ITPA: variants seen among roughly 807,000 people sequenced by gnomAD.
ITPA encodes inosine triphosphatase.
ITPA carries 29 observed loss-of-function variants against 29.6 expected under a neutral mutation model. That is an observed-to-expected ratio of 0.98 (90% CI 0.73 to 1.34). The LOEUF (loss-of-function observed/expected upper bound fraction) is 1.34, where lower values mean the gene tolerates loss of function less well. Among genes scored for constraint, ITPA ranks in the 40% most tolerant of loss-of-function variants. The pLI is 0.00. For missense variants in ITPA, 241 were observed against 251.5 expected, an observed-to-expected ratio of 0.96 and a Z score of 0.28; for synonymous variants, 103 against 99.3, an observed-to-expected ratio of 1.04 and a Z score of -0.22.
At chr20:3,206,370 A>G (rs1307375998), upstream of ITPA, among the ~76,000 whole-genome samples, 1 of 138,030 alleles carries the variant, frequency 7.2e-6, no homozygotes, top group Non-Finnish European at 1.5e-5. Context: ...CCTGGGCAAC[A>G]GAGTGAGACT....
intron 6 of ITPA, among the ~76,000 whole-genome samples, chr20:3,220,063 CA>C (rs1222627216): frequency 1.8e-5 from 1 of 56,984 alleles, no homozygotes; most frequent in African/African-American, 7.7e-5. Flanking sequence ...AAAAAAAAAA[CA>C]AACCTTAATT....
At position 3,222,036 on chromosome 20, in the gene ITPA, G is replaced by A. The variant is rs1600536592; in HGVS notation, c.488+119G>A. 14 of 961,828 alleles carry A rather than the reference G, an allele frequency of 1.5e-5. No individual in the cohort carries two copies. In the East Asian group the frequency reaches 3.6e-4, roughly 25 times the overall value. 59.6% of individuals were successfully genotyped at this position (961,828 alleles called of 1,614,324 possible). A position where few individuals can be genotyped will look rare whatever the true frequency, so the allele number is the denominator to read the frequency against. On this transcript the variant is annotated intron_variant, in intron 7 of 7. Transcript: ENST00000380113. ...TATGGGCAGGGGAGGCTCCCAGGGT[G>A]CTGTTCCAGCCACAGGCAGCTCTGC...
At chr20:3,207,675 CAA>C (rs924920418), upstream of ITPA, among the ~76,000 whole-genome samples, 3 of 134,034 alleles carry the variant, frequency 2.2e-5, no homozygotes, top group African/African-American at 7.5e-5. Flanking sequence ...GCCTGGGCGA[CAA>C]GAGCAAGACT....
At chr20:3,218,112 G>A (rs1003775117) in intron 5 of ITPA, among the ~76,000 whole-genome samples, 1 of 151,246 alleles carries the variant, frequency 6.6e-6, no homozygotes, top group Admixed American at 6.6e-5. Context: ...TAGAGACGGG[G>A]TTTCACCGTG....
chr20:3,204,678 C>A (rs563298407), upstream of ITPA: 3 of 1,520,350 alleles, frequency 2.0e-6, no homozygotes, highest in Non-Finnish European at 2.7e-6. Context: ...GCCGGGATCT[C>A]ATAGGCCCCG....
In ITPA at chr20:3,213,842, C is replaced by T; in HGVS notation, c.190-143C>T. 1.5e-5 allele frequency: 13 copies of T among 844,410 alleles called. No individual in the cohort carries two copies. In the South Asian group the frequency reaches 1.7e-4, roughly 11 times the overall value. The allele number at this position is 844,410 out of a possible 1,614,324, so 52.3% of individuals were successfully genotyped here. ...AGATTGGCCAAAGTTAAGAGATTGG[C>T]CGAGGGCAGCTCCCATGGTGCTGTC... On this transcript the variant is annotated intron_variant, in intron 3 of 7. Coordinates refer to ENST00000380113, the MANE Select transcript of ITPA (RefSeq NM_033453.4).
chr20:3,217,818 T>C (rs2067342311), intron 5 of ITPA, among the ~76,000 whole-genome samples: 1 of 152,190 alleles, frequency 6.6e-6, no homozygotes. Flanking sequence ...ACAAGTAAAC[T>C]ATAATCATTT....
At chr20:3,224,914 TATATCTGGTTCCAGGCA>T (rs2067540029), downstream of ITPA, among the ~76,000 whole-genome samples, 1 of 152,204 alleles carries the variant, frequency 6.6e-6, no homozygotes, top group East Asian at 1.9e-4. Flanking sequence ...CTGTGAAGTA[TATATCTGGTTCCAGGCA>T]AGGTGGCTCA....
chr20:3,223,993 C>G (rs1442824506), downstream of ITPA: 1 of 171,882 alleles, frequency 5.8e-6, no homozygotes, highest in African/African-American at 2.4e-5. Flanking sequence ...TGGAGTGTTA[C>G]GTCTCCACTC....
At chr20:3,213,776 C>G (rs2067226995) in intron 3 of ITPA, among the ~76,000 whole-genome samples, 1 of 152,218 alleles carries the variant, frequency 6.6e-6, no homozygotes, top group African/African-American at 2.4e-5. Context: ...CTGGAGCAAG[C>G]TTTAACAATC....
In ITPA at chr20:3,223,679, C is replaced by G; in HGVS notation, c.*217C>G. ...ATTCTCTTGCCCTTAGGATTCACTGCTCTCTCCTACAGCCGCCAGGCCTGG... is the reference window on the plus strand; with the variant it reads ...ATTCTCTTGCCCTTAGGATTCACTGGTCTCTCCTACAGCCGCCAGGCCTGG... On this transcript the variant is annotated 3_prime_UTR_variant, in exon 8 of 8. Transcript: ENST00000380113. The G allele has an allele frequency of 1.7e-6, 1 of 597,490 alleles. No homozygotes were observed. The allele number at this position is 597,490 out of a possible 1,614,324, so 37.0% of individuals were successfully genotyped here.
At position 3,219,663 on chromosome 20, in the gene ITPA, T is replaced by C. The variant is rs1412195153; in HGVS notation, c.411+1031T>C. ...GGGAGGCTGAGGCAGGAGAATCACT[T>C]GAACCCAGGAGGCGGAGGTTGCAGT... On this transcript the variant is annotated intron_variant, in intron 6 of 7. Coordinates refer to ENST00000380113, the MANE Select transcript of ITPA (RefSeq NM_033453.4). 4.0e-5 allele frequency among the ~76,000 whole-genome samples: 6 copies of C among 150,466 alleles called. No homozygotes were observed. The Admixed American group carries it at 4.0e-4, about 10-fold the overall frequency.
rs1282248154 is a variant in ITPA, at chr20:3,223,358, C to T, written c.489-8C>T. On this transcript the variant is annotated splice_region_variant and splice_polypyrimidine_tract_variant and intron_variant, in intron 7 of 7. Transcript: ENST00000380113. ...TGGGCTCCCTGAGCTGCTACTGTCA[C>T]CCCTCAGGTACGCAGAGATGCCTAA... The T allele has an allele frequency of 6.2e-7, 1 of 1,610,408 alleles. No homozygotes were observed. Among genetic ancestry groups the T allele is most frequent in the Non-Finnish European group, 8.5e-7 (1 of 1,177,436 alleles).
Position 3,213,917 on chromosome 20 carries a change from G to T in ITPA, c.190-68G>T. The T allele has an allele frequency of 2.6e-6, 4 of 1,539,724 alleles. No individual in the cohort carries two copies. In the South Asian group the frequency reaches 3.3e-5, roughly 13 times the overall value. ...GGCTGGCCCCAGCCTGGGTGACGCG[G>T]GTGACCTGGACGTTCCAGGTGGGGA... On this transcript the variant is annotated intron_variant, in intron 3 of 7. Coordinates refer to ENST00000380113, the MANE Select transcript of ITPA (RefSeq NM_033453.4).
chr20:3,211,633 C>G (rs6037502), intron 1 of ITPA, among the ~76,000 whole-genome samples: 31,737 of 152,040 alleles, frequency 0.21, 3,442 homozygotes, highest in Non-Finnish European at 0.24. Flanking sequence ...GCTGGGACTA[C>G]AGGTGTGTGC....
chr20:3,225,989 C>T (rs772177778), downstream of ITPA, among the ~76,000 whole-genome samples: 3 of 152,198 alleles, frequency 2.0e-5, no homozygotes, highest in Non-Finnish European at 4.4e-5. Context: ...AGATCACGCC[C>T]TTGCACACTG....
At chr20:3,206,932 C>T (rs1018601583), upstream of ITPA, among the ~76,000 whole-genome samples, 1 of 151,448 alleles carries the variant, frequency 6.6e-6, no homozygotes. Flanking sequence ...GAGAACTGCT[C>T]GAACCCAATA....
intron 6 of ITPA, among the ~76,000 whole-genome samples, chr20:3,220,952 C>T (rs1325400805): frequency 6.6e-6 from 1 of 152,010 alleles, no homozygotes; most frequent in Non-Finnish European, 1.5e-5. Flanking sequence ...GTCTGTCGCC[C>T]GGACTGGATC....
chr20:3,216,375 G>A (rs2122360285), intron 5 of ITPA, among the ~76,000 whole-genome samples: 1 of 150,148 alleles, frequency 6.7e-6, no homozygotes, highest in East Asian at 2.0e-4. Flanking sequence ...GGCCAGGATG[G>A]TCTCAATCTT....
Sources: gnomAD v4.1 joint callset for allele counts (sites outside exome capture counted in the v4.1 genomes callset) on GRCh38, gnomAD v4.1.1 for gene constraint, MANE v1.5 for transcripts, NCBI Gene and HGNC (gene_info 2026-07-23, HGNC 2026-07-21) for gene names.